CNTLN: variants seen among roughly 807,000 people sequenced by gnomAD.
The protein encoded by CNTLN is centlein.
A neutral mutation model predicts 180.0 loss-of-function variants in CNTLN; 212 were observed. The observed-to-expected ratio is 1.18, with a 90% CI of 1.05 to 1.32. CNTLN has a LOEUF of 1.32. Among genes scored for constraint, CNTLN ranks in the 40% most tolerant of loss-of-function variants. The probability of loss-of-function intolerance (pLI) is 0.00; values close to 1 mark genes in which losing one functional copy is unlikely to be tolerated. For synonymous variants in CNTLN, 722 were observed against 563.1 expected, an observed-to-expected ratio of 1.28 and a Z score of -3.99; for missense variants, 2,095 against 1,610.9, an observed-to-expected ratio of 1.30 and a Z score of -5.14.
chr9:17,470,289 C>T (rs1244374371), intron 23 of CNTLN, among the ~76,000 whole-genome samples: 1 of 151,864 alleles, frequency 6.6e-6, no homozygotes, highest in African/African-American at 2.4e-5. Context: ...GAACTATGTG[C>T]ATTCCTTAAT....
chr9:17,299,996 C>T (rs1818235450), intron 7 of CNTLN: 2 of 161,226 alleles, frequency 1.2e-5, no homozygotes, highest in Admixed American at 1.3e-4. Flanking sequence ...CTCTTAGGAT[C>T]TCTCCTTTTT....
intron 25 of CNTLN, among the ~76,000 whole-genome samples, chr9:17,497,886 G>GTA (rs1833541862): frequency 6.6e-6 from 1 of 152,062 alleles, no homozygotes; most frequent in Non-Finnish European, 1.5e-5. Context: ...GTGCTTGTAT[G>GTA]TATATATATG....
intron 23 of CNTLN, among the ~76,000 whole-genome samples, chr9:17,481,528 A>G (rs565335026): frequency 1.3e-4 from 20 of 152,266 alleles, no homozygotes; most frequent in African/African-American, 4.8e-4. Context: ...GAACCAAGCC[A>G]ATGACCCCAC....
chr9:17,416,766 G>A (rs1017027141), intron 18 of CNTLN, among the ~76,000 whole-genome samples: 37 of 152,036 alleles, frequency 2.4e-4, no homozygotes, highest in African/African-American at 8.5e-4. Context: ...TACACTTTGA[G>A]ATGAACTTAA....
intron 5 of CNTLN, among the ~76,000 whole-genome samples, chr9:17,252,835 T>G (rs908549502): frequency 1.6e-4 from 25 of 151,934 alleles, no homozygotes; most frequent in Admixed American, 8.5e-4. Context: ...CATAAAATCT[T>G]TGCCTAGACC....
At chr9:17,201,924 G>A (rs1375940225) in intron 2 of CNTLN, among the ~76,000 whole-genome samples, 2 of 152,098 alleles carry the variant, frequency 1.3e-5, no homozygotes, top group Admixed American at 6.6e-5. Flanking sequence ...TAATTGACAT[G>A]TTAGGGTGTC....
intron 15 of CNTLN, among the ~76,000 whole-genome samples, chr9:17,397,345 C>T (rs1023537354): frequency 9.9e-5 from 15 of 152,142 alleles, no homozygotes; most frequent in African/African-American, 3.1e-4. Context: ...TCCCCAGGGG[C>T]TGCGGTTGCC....
chr9:17,475,789 C>G (rs576553762), intron 23 of CNTLN, among the ~76,000 whole-genome samples: 1 of 150,020 alleles, frequency 6.7e-6, no homozygotes, highest in African/African-American at 2.5e-5. Flanking sequence ...AAGAGAATGG[C>G]GTGAACCCGG....
chr9:17,154,268 C>G (rs1819101642), intron 2 of CNTLN, among the ~76,000 whole-genome samples: 1 of 152,192 alleles, frequency 6.6e-6, no homozygotes, highest in South Asian at 2.1e-4. Flanking sequence ...CCTTTTTGCA[C>G]TGTTTTTTCC....
At chr9:17,490,580 G>A (rs1462668227) in intron 25 of CNTLN, among the ~76,000 whole-genome samples, 4 of 151,934 alleles carry the variant, frequency 2.6e-5, no homozygotes, top group Non-Finnish European at 5.9e-5. Flanking sequence ...CAGAGGCTGG[G>A]GGGATATAGA....
At chr9:17,248,850 G>T (rs909033817) in intron 5 of CNTLN, among the ~76,000 whole-genome samples, 4 of 151,628 alleles carry the variant, frequency 2.6e-5, no homozygotes. Flanking sequence ...TGGATTCATT[G>T]TAATATATCT....
At chr9:17,514,299 G>A in the CNTLN span, among the ~76,000 whole-genome samples, 1 of 152,140 alleles carries the variant, frequency 6.6e-6, no homozygotes, top group Admixed American at 6.6e-5. Flanking sequence ...GACAGAGCAA[G>A]ATGCTGTCTC....
At position 17,153,426 on chromosome 9, in the gene CNTLN, G is replaced by A. The variant is rs368934846; in HGVS notation, c.449+10050G>A. Reference sequence around the variant, plus strand: ...TCATTCGCTTATGAAGCTTATTTTGGATGGATATGAAATTCTGGTTTGAAA... The same window carrying A: ...TCATTCGCTTATGAAGCTTATTTTGAATGGATATGAAATTCTGGTTTGAAA... On this transcript the variant is annotated intron_variant, in intron 2 of 25. Coordinates refer to ENST00000380647, the MANE Select transcript of CNTLN (RefSeq NM_017738.4). 2.5e-4 allele frequency among the ~76,000 whole-genome samples: 38 copies of A among 152,142 alleles called. No homozygotes were observed. The East Asian group carries it at 3.7e-3, about 15-fold the overall frequency.
chr9:17,358,945 T>G (rs1283417022), intron 12 of CNTLN, among the ~76,000 whole-genome samples: 2 of 152,178 alleles, frequency 1.3e-5, no homozygotes, highest in Non-Finnish European at 2.9e-5. Flanking sequence ...GTAAAGCTTT[T>G]AGAGGAAAAC....
chr9:17,281,452 C>T lies in CNTLN; in HGVS notation c.983+7586C>T, dbSNP rs566923553. 2.6e-5 allele frequency among the ~76,000 whole-genome samples: 4 copies of T among 152,118 alleles called. No individual in the cohort carries two copies. In the South Asian group the frequency reaches 8.3e-4, roughly 32 times the overall value. On this transcript the variant is annotated intron_variant, in intron 6 of 25. Coordinates refer to ENST00000380647, the MANE Select transcript of CNTLN (RefSeq NM_017738.4). The stretch of plus-strand genomic sequence containing the variant: ...TGTTCTCCCTCTCCCCGCACACCAC[C>T]CTCCCCACTGACAGGCCCCAGTGTG...
chr9:17,393,321 T>A (rs1213488808), intron 14 of CNTLN, among the ~76,000 whole-genome samples: 2 of 152,154 alleles, frequency 1.3e-5, no homozygotes, highest in Non-Finnish European at 2.9e-5. Context: ...ACCATCGGAG[T>A]TGTCAGTATA....
At chr9:17,326,739 A>G (rs1820318899) in intron 8 of CNTLN, among the ~76,000 whole-genome samples, 1 of 152,094 alleles carries the variant, frequency 6.6e-6, no homozygotes. Flanking sequence ...ATGGCACTTT[A>G]CCTCTATGAT....
At chr9:17,383,799 G>A (rs1388695212) in intron 13 of CNTLN, among the ~76,000 whole-genome samples, 2 of 151,732 alleles carry the variant, frequency 1.3e-5, no homozygotes, top group Non-Finnish European at 2.9e-5. Context: ...CACCATGCCC[G>A]ACTAATTTTT....
intron 15 of CNTLN, among the ~76,000 whole-genome samples, chr9:17,407,457 G>A (rs187885124): frequency 1.3e-3 from 205 of 152,260 alleles, no homozygotes; most frequent in African/African-American, 4.5e-3. Flanking sequence ...TTAACATGAC[G>A]TTGAGAGGGA....
Sources: gnomAD v4.1 joint callset for allele counts (sites outside exome capture counted in the v4.1 genomes callset) on GRCh38, gnomAD v4.1.1 for gene constraint, MANE v1.5 for transcripts, NCBI Gene and HGNC (gene_info 2026-07-23, HGNC 2026-07-21) for gene names.